The following NSMAF variants were observed in gnomAD, a reference collection of about 807,000 sequenced individuals.
The protein encoded by NSMAF is protein FAN.
In NSMAF, 90 loss-of-function variants were observed where a neutral mutation model predicts 134.9. The ratio of observed to expected loss-of-function variants is 0.67; its 90% CI spans 0.56 to 0.79. The LOEUF (loss-of-function observed/expected upper bound fraction) is 0.79. Ranked by LOEUF, NSMAF falls within the 30% of genes least tolerant of loss-of-function variation. The pLI, the probability that NSMAF is intolerant of heterozygous loss-of-function variation, is 0.00. For missense variants in NSMAF, 1,010 were observed against 1,119.0 expected (o/e 0.90, Z 1.39); for synonymous variants, 358 against 389.6 (o/e 0.92, Z 0.96).
intron 1 of NSMAF, among the ~76,000 whole-genome samples, chr8:58,654,252 T>C (rs954053753): frequency 1.3e-5 from 2 of 152,242 alleles, no homozygotes; most frequent in Non-Finnish European, 2.9e-5. Flanking sequence ...TGCCAAGTGC[T>C]TTTTATAAAA....
chr8:58,652,252 T>G (rs941042474), intron 1 of NSMAF, among the ~76,000 whole-genome samples: 1 of 152,108 alleles, frequency 6.6e-6, no homozygotes, highest in African/African-American at 2.4e-5. Flanking sequence ...AAAGAACAAT[T>G]AGACTTAACA....
chr8:58,615,223 G>T (rs1412343841), intron 9 of NSMAF, among the ~76,000 whole-genome samples: 1 of 152,150 alleles, frequency 6.6e-6, no homozygotes, highest in South Asian at 2.1e-4. Flanking sequence ...AATAAGAAAA[G>T]AAATAAATCA....
At chr8:58,608,119 G>T (rs1806449330) in intron 10 of NSMAF, among the ~76,000 whole-genome samples, 1 of 152,196 alleles carries the variant, frequency 6.6e-6, no homozygotes, top group Non-Finnish European at 1.5e-5. Flanking sequence ...GGTTAGTTTG[G>T]GGTGGGGTGA....
At chr8:58,608,152 G>A (rs17272151) in intron 10 of NSMAF, among the ~76,000 whole-genome samples, 37,919 of 152,042 alleles carry the variant, frequency 0.25, 5,349 homozygotes, top group Non-Finnish European at 0.31. Context: ...TAGATTGTGG[G>A]GTGATAAGAA....
rs1230141858 is a variant in NSMAF, at chr8:58,603,399, G to T, written c.869-13C>A. The T allele has an allele frequency of 1.9e-6, 3 of 1,612,090 alleles. No individual in the cohort carries two copies. The highest frequency in any genetic ancestry group is 2.5e-6 in the Non-Finnish European group (3 of 1,179,350). On this transcript the variant is annotated splice_polypyrimidine_tract_variant and intron_variant, in intron 12 of 30. Transcript: ENST00000038176. ...GCCACATGGTGCTCTGGGGGAAGAG[G>T]ACCCACGAGGTCTGCCACTTAACTT...
intron 23 of NSMAF, among the ~76,000 whole-genome samples, chr8:58,592,565 GA>G (rs10710122): frequency 0.91 from 138,356 of 152,216 alleles, 63,010 homozygotes; most frequent in East Asian, 0.97. Flanking sequence ...AAAACAAACA[GA>G]AAAAAACAAA....
At chr8:58,632,430 C>T (rs1053968751) in intron 5 of NSMAF, among the ~76,000 whole-genome samples, 2 of 152,196 alleles carry the variant, frequency 1.3e-5, no homozygotes, top group Non-Finnish European at 2.9e-5. Context: ...ACAATCAATT[C>T]TTAAGTCTTC....
chr8:58,589,943 C>A (rs1031897042), intron 25 of NSMAF, 64 bp downstream of exon 25: 6 of 1,402,536 alleles, frequency 4.3e-6, no homozygotes, highest in Non-Finnish European at 6.0e-6. Context: ...CTTTTCACAC[C>A]TCATGTCCAC....
chr8:58,594,342 C>T (rs548071849), intron 22 of NSMAF, 52 bp from the exon 23 acceptor site: 3 of 1,478,626 alleles, frequency 2.0e-6, no homozygotes, highest in African/African-American at 1.4e-5. Context: ...GTTAGGATAC[C>T]CTCTTTGTTT....
rs138554941 is a variant in NSMAF at position 58,586,156 on chromosome 8, T to A, written c.2447-156A>T. 1.3e-3 allele frequency among the ~76,000 whole-genome samples: 191 copies of A among 152,280 alleles called. 1 individual carries two copies. Among genetic ancestry groups the A allele is most frequent in the African/African-American group, 4.3e-3 (179 of 41,558 alleles). On this transcript the variant is annotated intron_variant, in intron 28 of 30. Coordinates refer to ENST00000038176, the MANE Select transcript of NSMAF (RefSeq NM_003580.4). ...AATGACTATCCTCTCCTTGAAATGGTTCTAGCCCTTTCCAAGATGTAAGGA... is the reference window on the plus strand; with the variant it reads ...AATGACTATCCTCTCCTTGAAATGGATCTAGCCCTTTCCAAGATGTAAGGA...
At chr8:58,601,002 A>T (rs1285919237) in intron 16 of NSMAF, among the ~76,000 whole-genome samples, 1 of 152,188 alleles carries the variant, frequency 6.6e-6, no homozygotes, top group African/African-American at 2.4e-5. Context: ...CAATAATTTT[A>T]AAAAAGAATC....
At chr8:58,656,223 C>T (rs991663254) in intron 1 of NSMAF, among the ~76,000 whole-genome samples, 4 of 151,812 alleles carry the variant, frequency 2.6e-5, no homozygotes, top group African/African-American at 7.2e-5. Flanking sequence ...AGGCTGGTCT[C>T]GAACTCCTCA....
intron 14 of NSMAF, 92 bp downstream of exon 14, chr8:58,601,966 C>G (rs907105678): frequency 1.0e-6 from 1 of 985,392 alleles, no homozygotes; most frequent in Non-Finnish European, 1.6e-6. Flanking sequence ...TATAATTCCC[C>G]TAAGCCTTGG....
chr8:58,596,656 G>A (rs1476847984), intron 21 of NSMAF, among the ~76,000 whole-genome samples: 1 of 152,206 alleles, frequency 6.6e-6, no homozygotes, highest in Non-Finnish European at 1.5e-5. Flanking sequence ...GGGGCCGAGC[G>A]CGGTGGCTCA....
At chr8:58,652,041 T>C (rs1445700593) in intron 1 of NSMAF, among the ~76,000 whole-genome samples, 2 of 152,150 alleles carry the variant, frequency 1.3e-5, no homozygotes, top group East Asian at 1.9e-4. Flanking sequence ...AGAAGCAGTA[T>C]GGTACAGTGG....
At chr8:58,586,709 A>G in intron 27 of NSMAF, 101 bp from the exon 28 acceptor site, 2 of 959,186 alleles carry the variant, frequency 2.1e-6, no homozygotes, top group Non-Finnish European at 3.2e-6. Context: ...GATATAAATT[A>G]AACTCTATTG....
Position 58,635,371 on chromosome 8 carries a change from A to G in NSMAF, c.230T>C (p.Ile77Thr). The change falls in exon 4 of 31, where the codon ATT becomes ACT. Residue 77 changes from isoleucine (I) to threonine (T), a missense_variant and splice_region_variant. By Grantham distance (89) the Ile-to-Thr change is moderately conservative. Coordinates refer to ENST00000038176, the MANE Select transcript of NSMAF (RefSeq NM_003580.4). The stretch of plus-strand genomic sequence containing the variant: ...TATTTTTATACAGTCTCTCAAAGGA[A>G]TCTGGATAAAATTGAGAGAAATATT... ...PDSISQPIIK[I>T]PLRDCIKIGK... 1 of 1,600,288 alleles carries G rather than the reference A, an allele frequency of 6.2e-7. No homozygotes were observed. Among genetic ancestry groups the G allele is most frequent in the Non-Finnish European group, 8.5e-7 (1 of 1,174,952 alleles).
intron 22 of NSMAF, 95 bp from the exon 23 acceptor site, chr8:58,594,385 T>A: frequency 8.3e-7 from 1 of 1,205,834 alleles, no homozygotes; most frequent in Non-Finnish European, 1.2e-6. Flanking sequence ...CAAGTTTCCT[T>A]AATTTTTTTC....
At chr8:58,622,137 A>T (rs1806800500) in intron 9 of NSMAF, among the ~76,000 whole-genome samples, 1 of 152,156 alleles carries the variant, frequency 6.6e-6, no homozygotes, top group Non-Finnish European at 1.5e-5. Context: ...TCTTGAGTTA[A>T]TTTTTGTATA....
Sources: allele counts gnomAD v4.1 joint callset (sites outside exome capture counted in the v4.1 genomes callset), GRCh38; gene constraint gnomAD v4.1.1; transcripts MANE v1.5; gene names NCBI Gene and HGNC (gene_info 2026-07-23, HGNC 2026-07-21).